The following ZNF735 variants were observed in gnomAD, a reference collection of about 807,000 sequenced individuals.
ZNF735 encodes zinc finger protein 735.
A neutral mutation model predicts 13.4 loss-of-function variants in ZNF735; 11 were observed. The ratio of observed to expected loss-of-function variants is 0.82; its 90% confidence interval spans 0.52 to 1.36. The LOEUF is 1.36. Among genes scored for constraint, ZNF735 ranks in the 40% most tolerant of loss-of-function variants. The pLI is 0.00. For missense variants in ZNF735, 500 were observed against 484.6 expected, an observed-to-expected ratio of 1.03 and a Z score of -0.30; for synonymous variants, 171 against 162.6, an observed-to-expected ratio of 1.05 and a Z score of -0.39.
At chr7:64,210,384 T>C (rs1037771515) in intron 1 of ZNF735, among the ~76,000 whole-genome samples, 1 of 152,236 alleles carries the variant, frequency 6.6e-6, no homozygotes, top group Non-Finnish European at 1.5e-5. Flanking sequence ...GACTCTTTGC[T>C]GTGCCTGCTT....
At chr7:64,214,080 G>C in exon 3 of ZNF735, 1 of 1,600,608 alleles carries the variant, frequency 6.2e-7, no homozygotes, top group Non-Finnish European at 8.5e-7. Context: ...AGAATATAAA[G>C]AGAAATGAGA....
At chr7:64,217,437 C>A (rs1280448343) in intron 3 of ZNF735, among the ~76,000 whole-genome samples, 1 of 151,960 alleles carries the variant, frequency 6.6e-6, no homozygotes, top group Non-Finnish European at 1.5e-5. Flanking sequence ...AAAATGAATT[C>A]ATATACAATA....
intron 3 of ZNF735, among the ~76,000 whole-genome samples, chr7:64,217,135 C>T (rs1027035947): frequency 1.3e-5 from 2 of 152,150 alleles, no homozygotes; most frequent in African/African-American, 4.8e-5. Flanking sequence ...ACAAATCCCT[C>T]ATGAATGACT....
At chr7:64,218,277 A>G (rs1291340835) in intron 3 of ZNF735, among the ~76,000 whole-genome samples, 1 of 150,776 alleles carries the variant, frequency 6.6e-6, no homozygotes, top group Non-Finnish European at 1.5e-5. Flanking sequence ...CTGTTGACAA[A>G]TTCACTGGTT....
intron 1 of ZNF735, among the ~76,000 whole-genome samples, chr7:64,209,722 T>G (rs1787334717): frequency 6.6e-6 from 1 of 152,206 alleles, no homozygotes; most frequent in South Asian, 2.1e-4. Context: ...GTTGGTTTGC[T>G]CTTTTGAAAT....
exon 4 of ZNF735, chr7:64,219,477 T>C (rs751463638): frequency 1.2e-6 from 2 of 1,611,738 alleles, no homozygotes; most frequent in South Asian, 1.1e-5. Context: ...AAGGAGGTTA[T>C]AATGACCTTA....
chr7:64,213,173 T>C (rs764568122), exon 2 of ZNF735: 96 of 1,612,510 alleles, frequency 6.0e-5, no homozygotes, highest in Non-Finnish European at 7.6e-5. Flanking sequence ...GCAGAATTTA[T>C]ATAGAGATGT....
intron 1 of ZNF735, among the ~76,000 whole-genome samples, chr7:64,211,797 C>T (rs982744202): frequency 4.7e-5 from 7 of 149,636 alleles, no homozygotes; most frequent in African/African-American, 1.2e-4. Context: ...CCTCAGGAGG[C>T]GGAGGTTGCA....
chr7:64,216,758 G>T (rs972020753), intron 3 of ZNF735, among the ~76,000 whole-genome samples: 1 of 151,824 alleles, frequency 6.6e-6, no homozygotes, highest in African/African-American at 2.4e-5. Flanking sequence ...GACCTACCCC[G>T]ACCATACCCA....
chr7:64,213,503 A>G (rs924182888), intron 2 of ZNF735, among the ~76,000 whole-genome samples: 5 of 152,216 alleles, frequency 3.3e-5, no homozygotes, highest in African/African-American at 1.2e-4. Context: ...GTCACCAACA[A>G]TGTTTGATTC....
intron 1 of ZNF735, among the ~76,000 whole-genome samples, chr7:64,210,285 C>T (rs1161481872): frequency 1.3e-5 from 2 of 152,160 alleles, no homozygotes; most frequent in Middle Eastern, 3.4e-3. Flanking sequence ...AAAAAGCCAA[C>T]AAAAAAATAT....
At position 64,217,728 on chromosome 7, in the gene ZNF735, G is replaced by A. The variant is rs182689727; in HGVS notation, c.263-1586G>A. ...GCTAGTAATGGACTCATTTTCTTTT[G>A]TGTGTCTATAAAGATTTTTTCTTTG... On this transcript the variant is annotated intron_variant, in intron 3 of 3. Transcript: ENST00000429565. 2.2e-3 allele frequency among the ~76,000 whole-genome samples: 336 copies of A among 151,304 alleles called. 1 individual carries two copies. The highest frequency in any genetic ancestry group is 6.7e-3 in the African/African-American group (277 of 41,304).
At chr7:64,219,260 T>C in intron 3 of ZNF735, 54 bp from the exon 4 acceptor site, 1 of 1,574,270 alleles carries the variant, frequency 6.4e-7, no homozygotes, top group Non-Finnish European at 8.6e-7. Flanking sequence ...ATTTGTACAG[T>C]ATATTTATCT....
chr7:64,214,608 T>A (rs2116484396), intron 3 of ZNF735, among the ~76,000 whole-genome samples: 1 of 152,156 alleles, frequency 6.6e-6, no homozygotes, highest in South Asian at 2.1e-4. Flanking sequence ...TTTTTTACAA[T>A]TTTTTTATTT....
intron 1 of ZNF735, among the ~76,000 whole-genome samples, chr7:64,208,993 G>C (rs1787326062): frequency 6.6e-6 from 1 of 152,090 alleles, no homozygotes; most frequent in East Asian, 1.9e-4. Flanking sequence ...TTTATTTCTG[G>C]TTTTTGCTAT....
chr7:64,219,303 A>C lies in ZNF735; in HGVS notation c.263-11A>C. Reference sequence around the variant, plus strand: ...GTAAGTGGAGTAACTTGTGATTTTTATGTCTTTCAGTTACATGTTCTCATT... The same window carrying C: ...GTAAGTGGAGTAACTTGTGATTTTTCTGTCTTTCAGTTACATGTTCTCATT... On this transcript the variant is annotated splice_polypyrimidine_tract_variant and intron_variant, in intron 3 of 3. Coordinates refer to ENST00000429565, the Ensembl canonical transcript of ZNF735. 5 of 1,605,350 alleles carry C rather than the reference A, an allele frequency of 3.1e-6. No individual in the cohort carries two copies. Among genetic ancestry groups the C allele is most frequent in the Non-Finnish European group, 3.4e-6 (4 of 1,177,762 alleles).
intron 1 of ZNF735, among the ~76,000 whole-genome samples, chr7:64,212,660 GCC>G: frequency 6.6e-6 from 1 of 152,016 alleles, no homozygotes; most frequent in African/African-American, 2.4e-5. Flanking sequence ...AGGCGTGGTG[GCC>G]CATGCCTGTA....
chr7:64,220,199 G>A (rs1787476157), exon 4 of ZNF735: 1 of 1,613,008 alleles, frequency 6.2e-7, no homozygotes, highest in Non-Finnish European at 8.5e-7. Flanking sequence ...CCATACAAAT[G>A]TGAAGAATGT....
At chr7:64,219,291 C>A (rs1404603116) in intron 3 of ZNF735, 23 bp from the exon 4 acceptor site, 8 of 1,603,370 alleles carry the variant, frequency 5.0e-6, no homozygotes, top group Admixed American at 3.5e-5. Context: ...AGTGGAGTAA[C>A]TTGTGATTTT....
Sources: allele counts gnomAD v4.1 joint callset (sites outside exome capture counted in the v4.1 genomes callset), GRCh38; gene constraint gnomAD v4.1.1; transcripts MANE v1.5; gene names NCBI Gene and HGNC (gene_info 2026-07-23, HGNC 2026-07-21).